Variants in AKAP7 observed in about 807,000 individuals in gnomAD.
The protein encoded by AKAP7 is A kinase (PRKA) anchor protein 7.
AKAP7 carries 39 observed loss-of-function variants against 39.5 expected under a neutral mutation model. The ratio of observed to expected loss-of-function variants is 0.99; its 90% CI spans 0.76 to 1.29. The LOEUF is 1.29. Ranked by LOEUF, AKAP7 falls within the 50% of genes most tolerant of loss-of-function variation. The pLI is 0.00. For missense variants in AKAP7, 414 were observed against 407.7 expected (o/e 1.02, Z -0.13); for synonymous variants, 140 against 139.1 (o/e 1.01, Z -0.05).
intron 7 of AKAP7, among the ~76,000 whole-genome samples, chr6:131,254,307 G>C (rs1812679355): frequency 6.6e-6 from 1 of 152,080 alleles, no homozygotes; most frequent in South Asian, 2.1e-4. Flanking sequence ...TACTTATATA[G>C]AACTTGATTT....
intron 7 of AKAP7, among the ~76,000 whole-genome samples, chr6:131,235,285 A>G (rs569774798): frequency 5.5e-4 from 83 of 152,188 alleles, no homozygotes; most frequent in Admixed American, 1.9e-3. Flanking sequence ...TATGTGCCAC[A>G]TTTTCTTAAT....
chr6:131,271,669 CA>C (rs1162627795), intron 7 of AKAP7, among the ~76,000 whole-genome samples: 1 of 151,584 alleles, frequency 6.6e-6, no homozygotes, highest in Non-Finnish European at 1.5e-5. Context: ...TCATTATTTA[CA>C]AAATACATGG....
At chr6:131,183,356 C>T (rs1402905453) in intron 5 of AKAP7, among the ~76,000 whole-genome samples, 2 of 152,116 alleles carry the variant, frequency 1.3e-5, no homozygotes, top group African/African-American at 2.4e-5. Context: ...GTGTGGCTTC[C>T]CCATGAGCTG....
intron 6 of AKAP7, among the ~76,000 whole-genome samples, chr6:131,201,158 C>T (rs1807527062): frequency 6.6e-6 from 1 of 152,156 alleles, no homozygotes; most frequent in South Asian, 2.1e-4. Flanking sequence ...ACTGTCTCTG[C>T]ACCTGAGAAA....
At chr6:131,177,880 C>T (rs1052221560) in intron 5 of AKAP7, among the ~76,000 whole-genome samples, 3 of 152,196 alleles carry the variant, frequency 2.0e-5, no homozygotes, top group Non-Finnish European at 4.4e-5. Context: ...AAACTCGGCT[C>T]TTACCTGATT....
chr6:131,136,747 G>T (rs933200611), intron 1 of AKAP7: 2 of 541,690 alleles, frequency 3.7e-6, no homozygotes, highest in Middle Eastern at 9.1e-4. Flanking sequence ...TAATAATTTG[G>T]ATTTTACTTT....
chr6:131,162,386 C>T (rs1241186440), intron 3 of AKAP7, among the ~76,000 whole-genome samples: 1 of 151,634 alleles, frequency 6.6e-6, no homozygotes, highest in Non-Finnish European at 1.5e-5. Context: ...GGAAAGAGTG[C>T]AGGCTTTGGG....
At chr6:131,249,957 C>T (rs1226528458) in intron 7 of AKAP7, among the ~76,000 whole-genome samples, 1 of 152,124 alleles carries the variant, frequency 6.6e-6, no homozygotes, top group African/African-American at 2.4e-5. Context: ...AGCCTCTTTC[C>T]CCACACTTAG....
intron 7 of AKAP7, among the ~76,000 whole-genome samples, chr6:131,273,725 A>C (rs550856280): frequency 2.0e-5 from 3 of 152,130 alleles, no homozygotes; most frequent in Non-Finnish European, 4.4e-5. Context: ...TTACTTACGT[A>C]TGTACAGTTT....
chr6:131,223,342 T>C (rs1398939810), intron 7 of AKAP7, among the ~76,000 whole-genome samples: 1 of 152,216 alleles, frequency 6.6e-6, no homozygotes, highest in African/African-American at 2.4e-5. Flanking sequence ...CCTGAAAGAA[T>C]CTTAATACTG....
chr6:131,200,498 A>G (rs1378979259), intron 6 of AKAP7, among the ~76,000 whole-genome samples: 2 of 152,088 alleles, frequency 1.3e-5, no homozygotes, highest in Non-Finnish European at 2.9e-5. Context: ...TAGTAAGTAG[A>G]ATTTTTTTTT....
At chr6:131,253,116 A>G (rs778238888) in intron 7 of AKAP7, 135 of 1,610,920 alleles carry the variant, frequency 8.4e-5, no homozygotes, top group Non-Finnish European at 8.7e-5. Flanking sequence ...GTAAGAGTCA[A>G]GTGACCCCTC....
upstream of AKAP7, among the ~76,000 whole-genome samples, chr6:131,131,066 G>A (rs1275719551): frequency 1.3e-5 from 2 of 152,238 alleles, no homozygotes; most frequent in East Asian, 1.9e-4. Context: ...CTATCCTGAA[G>A]GGTTGTGGGA....
chr6:131,145,105 T>C (rs867999491), intron 1 of AKAP7, among the ~76,000 whole-genome samples, 180 bp from the exon 2 acceptor site: 2 of 152,286 alleles, frequency 1.3e-5, no homozygotes, highest in Non-Finnish European at 1.5e-5. Context: ...TACAAAAATA[T>C]AGAGTGTGGT....
chr6:131,265,963 G>A (rs754085752), intron 7 of AKAP7, among the ~76,000 whole-genome samples: 5 of 152,182 alleles, frequency 3.3e-5, no homozygotes, highest in African/African-American at 7.2e-5. Flanking sequence ...GAAATAATAC[G>A]TGTTGGAAAA....
At chr6:131,268,408 A>G (rs1813989008) in intron 7 of AKAP7, among the ~76,000 whole-genome samples, 1 of 152,208 alleles carries the variant, frequency 6.6e-6, no homozygotes, top group Non-Finnish European at 1.5e-5. Context: ...GGTTTCTGTG[A>G]TAACCAAATG....
At chr6:131,269,384 C>T (rs999021926) in intron 7 of AKAP7, among the ~76,000 whole-genome samples, 3 of 152,202 alleles carry the variant, frequency 2.0e-5, no homozygotes, top group Non-Finnish European at 2.9e-5. Context: ...CTCAGAATTG[C>T]ACCTCTCAAT....
intron 1 of AKAP7, among the ~76,000 whole-genome samples, chr6:131,143,976 C>T (rs1446140391): frequency 2.9e-5 from 4 of 138,552 alleles, no homozygotes; most frequent in Non-Finnish European, 6.2e-5. Flanking sequence ...AACGAGCATG[C>T]TGCCTTCAAG....
intron 7 of AKAP7, among the ~76,000 whole-genome samples, chr6:131,236,808 G>A (rs1309321583): frequency 6.6e-6 from 1 of 152,182 alleles, no homozygotes; most frequent in Non-Finnish European, 1.5e-5. Flanking sequence ...ATTTTGGGCT[G>A]AGACGATGGC....
Sources: gnomAD v4.1 joint callset for allele counts (sites outside exome capture counted in the v4.1 genomes callset) on GRCh38, gnomAD v4.1.1 for gene constraint, MANE v1.5 for transcripts, NCBI Gene and HGNC (gene_info 2026-07-23, HGNC 2026-07-21) for gene names.